BCLAF3: variants seen among roughly 807,000 people sequenced by gnomAD.
BCLAF3 encodes the protein BCLAF1 and THRAP3 family member 3, also known as transient octamer binding factor 1.
BCLAF3 carries 24 observed loss-of-function variants against 51.2 expected under a neutral mutation model. The ratio of observed to expected loss-of-function variants is 0.47; its 90% confidence interval spans 0.34 to 0.66. The LOEUF (loss-of-function observed/expected upper bound fraction) is 0.66. BCLAF3 is among the 30% of genes least tolerant of loss of function. BCLAF3 has a pLI of 0.01. For missense variants in BCLAF3, 465 were observed against 525.1 expected, an observed-to-expected ratio of 0.89 and a Z score of 1.12; for synonymous variants, 152 against 176.6, an observed-to-expected ratio of 0.86 and a Z score of 1.10.
chrX:19,940,443 C>T (rs773971766), intron 8 of BCLAF3, among the ~76,000 whole-genome samples: 48 of 110,398 alleles, frequency 4.3e-4, no homozygotes, highest in African/African-American at 1.5e-3. Context: ...ACCACAGACC[C>T]CAGAGTGTGA....
At position 19,922,499 on chromosome X, in the gene BCLAF3, T is replaced by C. The variant is rs773914316; in HGVS notation, c.2107-5165A>G. ...TTTCATCAATACTTCAACTGTAATA[T>C]TAACTCAATCCAGAGGAAATATTTA... On this transcript the variant is annotated intron_variant, in intron 11 of 11. Transcript: ENST00000379682. Among the ~76,000 whole-genome samples the C allele has an allele frequency of 8.9e-5, 10 of 112,491 alleles. No individual in the cohort carries two copies. In the South Asian group the frequency reaches 2.2e-3, roughly 24 times the overall value.
intron 10 of BCLAF3, among the ~76,000 whole-genome samples, chrX:19,932,391 AAG>A (rs1440604849): frequency 8.9e-6 from 1 of 111,895 alleles, no homozygotes; most frequent in Admixed American, 9.6e-5. Context: ...GTTTCAGGGA[AAG>A]AGTTTACTAT....
At chrX:19,934,592 C>T (rs745887410) in intron 10 of BCLAF3, among the ~76,000 whole-genome samples, 41 of 112,257 alleles carry the variant, frequency 3.7e-4, no homozygotes, top group Middle Eastern at 4.6e-3. Context: ...TAAAATCTTT[C>T]GACATCTATA....
chrX:19,956,815 G>A (rs776917647), intron 4 of BCLAF3, among the ~76,000 whole-genome samples: 39 of 111,481 alleles, frequency 3.5e-4, no homozygotes, highest in African/African-American at 1.1e-3. Context: ...GAGCCCTGAA[G>A]TATGTTTTAA....
chrX:19,941,584 A>G (rs1424759073), intron 8 of BCLAF3, among the ~76,000 whole-genome samples: 30 of 108,271 alleles, frequency 2.8e-4, no homozygotes, highest in African/African-American at 8.9e-4. Context: ...ATAGTTGTAG[A>G]TATGTGGCGT....
chrX:19,931,215 G>A (rs1254635289), intron 10 of BCLAF3, among the ~76,000 whole-genome samples: 2 of 111,886 alleles, frequency 1.8e-5, no homozygotes, highest in Admixed American at 1.9e-4. Flanking sequence ...ACTGCTGGAG[G>A]TGGAAGAGGA....
chrX:19,957,924 T>A (rs148090362), intron 4 of BCLAF3, among the ~76,000 whole-genome samples: 2 of 112,029 alleles, frequency 1.8e-5, no homozygotes, highest in Non-Finnish European at 3.8e-5. Context: ...AATGTAATCA[T>A]CTTTTGGTTC....
At position 19,915,792 on chromosome X, in the gene BCLAF3, T is replaced by C. The variant is rs903552561; in HGVS notation, c.*1513A>G. The C allele has an allele frequency of 2.7e-5, 3 of 111,944 alleles. No homozygotes were observed. Among genetic ancestry groups the C allele is most frequent in the Admixed American group, 9.6e-5 (1 of 10,443 alleles). 9.2% of individuals were successfully genotyped at this position (111,944 alleles called of 1,213,427 possible). ...GAATATGGGAGTAAATGAAATCAAT[T>C]ATTTTAAAATTTAAGACAGATTTTA... On this transcript the variant is annotated 3_prime_UTR_variant, in exon 12 of 12. Coordinates refer to ENST00000379682, the MANE Select transcript of BCLAF3 (RefSeq NM_001367774.2).
chrX:19,949,557 G>C (rs1292998444), intron 8 of BCLAF3, among the ~76,000 whole-genome samples: 1 of 112,136 alleles, frequency 8.9e-6, no homozygotes, highest in African/African-American at 3.2e-5. Context: ...GTCATGTCAT[G>C]CATTAACCAT....
In BCLAF3 at chrX:19,984,739, G is replaced by A. The variant is rs1045366659; in HGVS notation, c.-35+6169C>T. Among the ~76,000 whole-genome samples the A allele has an allele frequency of 8.2e-5, 9 of 110,015 alleles. No homozygotes were observed. The East Asian group carries it at 2.6e-3, about 31-fold the overall frequency. Reference sequence around the variant, plus strand: ...TCACTCTTGTTGCCCAGGCTGGAGTGCAATGGCACAATCTCGGCTCACTGC... The same window carrying A: ...TCACTCTTGTTGCCCAGGCTGGAGTACAATGGCACAATCTCGGCTCACTGC... On this transcript the variant is annotated intron_variant, in intron 1 of 11. Transcript: ENST00000379682.
intron 4 of BCLAF3, among the ~76,000 whole-genome samples, chrX:19,961,595 GA>G (rs747198210): frequency 1.8e-5 from 2 of 110,243 alleles, no homozygotes; most frequent in African/African-American, 3.3e-5. Context: ...CTCTTTTCTA[GA>G]AAAAAAAATC....
intron 4 of BCLAF3, among the ~76,000 whole-genome samples, chrX:19,964,694 A>C (rs768306090): frequency 1.8e-5 from 2 of 111,767 alleles, no homozygotes; most frequent in Admixed American, 9.6e-5. Flanking sequence ...GCTCTGAGAA[A>C]CTGAGCAAGG....
At position 19,930,150 on chromosome X, in the gene BCLAF3, A is replaced by C. The variant is rs1255010184; in HGVS notation, c.1951-210T>G. ...ACATGGTGAAACCCCGTCTCTACTAAAAATACAAAAATTAGCCAGGCGTGG... is the reference window on the plus strand; with the variant it reads ...ACATGGTGAAACCCCGTCTCTACTACAAATACAAAAATTAGCCAGGCGTGG... On this transcript the variant is annotated intron_variant, in intron 10 of 11. Transcript: ENST00000379682. The C allele has an allele frequency of 1.5e-5, 4 of 270,551 alleles. No individual in the cohort carries two copies. The Admixed American group carries it at 1.9e-4, about 13-fold the overall frequency. 22.3% of individuals were successfully genotyped at this position (270,551 alleles called of 1,213,427 possible).
chrX:19,966,437 TTTC>T lies in BCLAF3; in HGVS notation c.251_253del (p.Arg84del), dbSNP rs1434044694. 11 of 1,209,081 alleles carry T rather than the reference TTTC, an allele frequency of 9.1e-6. No individual in the cohort carries two copies. The highest frequency in any genetic ancestry group is 1.2e-5 in the Non-Finnish European group (11 of 894,779). ...ATACATATAAACATTTTCTAAAGAG[TTTC>T]TTATGTTAGGGGAAGGTGATCTATG... On this transcript the variant is annotated inframe_deletion, in exon 3 of 12. Coordinates refer to ENST00000379682, the MANE Select transcript of BCLAF3 (RefSeq NM_001367774.2).
At chrX:19,919,793 G>C (rs2070071498) in intron 11 of BCLAF3, among the ~76,000 whole-genome samples, 1 of 102,525 alleles carries the variant, frequency 9.8e-6, no homozygotes, top group African/African-American at 3.6e-5. Context: ...GGAGGCGGAG[G>C]TTGCAGTGAG....
intron 8 of BCLAF3, among the ~76,000 whole-genome samples, chrX:19,946,165 C>G (rs1199819937): frequency 9.0e-6 from 1 of 111,608 alleles, no homozygotes; most frequent in Admixed American, 9.4e-5. Flanking sequence ...TGGCCTGCGC[C>G]CACTGTCTGG....
intron 8 of BCLAF3, among the ~76,000 whole-genome samples, chrX:19,941,813 T>G (rs1236028156): frequency 4.3e-4 from 38 of 89,293 alleles, no homozygotes; most frequent in Non-Finnish European, 6.3e-4. Context: ...GTGAAGAAAG[T>G]CATTGGTAGC....
Position 19,916,985 on chromosome X carries a change from C to T in BCLAF3, c.*320G>A. The stretch of plus-strand genomic sequence containing the variant: ...AGCAAAACTTTCAACATATAAACGT[C>T]TGAATATTACTTGGTGAAGTTCTCT... On this transcript the variant is annotated 3_prime_UTR_variant, in exon 12 of 12. Transcript: ENST00000379682. The T allele has an allele frequency of 4.1e-6, 1 of 241,701 alleles. No individual in the cohort carries two copies. Among genetic ancestry groups the T allele is most frequent in the Non-Finnish European group, 7.2e-6 (1 of 138,128 alleles). 19.9% of individuals were successfully genotyped at this position (241,701 alleles called of 1,213,427 possible).
intron 6 of BCLAF3, 79 bp downstream of exon 6, chrX:19,953,699 G>A: frequency 1.3e-6 from 1 of 786,533 alleles, no homozygotes; most frequent in Non-Finnish European, 1.8e-6. Context: ...AGCAGGTTCG[G>A]AAAGCAGCCC....
Sources: gnomAD v4.1 joint callset for allele counts (sites outside exome capture counted in the v4.1 genomes callset) on GRCh38, gnomAD v4.1.1 for gene constraint, MANE v1.5 for transcripts, NCBI Gene and HGNC (gene_info 2026-07-23, HGNC 2026-07-21) for gene names.